MYO1D: variants seen among roughly 807,000 people sequenced by gnomAD.
The protein encoded by MYO1D is unconventional myosin-Id.
MYO1D carries 83 observed loss-of-function variants against 122.0 expected under a neutral mutation model. That is an observed-to-expected ratio of 0.68 (90% CI 0.57 to 0.82). MYO1D has a LOEUF of 0.82. Ranked by LOEUF, MYO1D falls within the 40% of genes least tolerant of loss-of-function variation. The probability of loss-of-function intolerance (pLI) is 0.00; values close to 1 mark genes in which losing one functional copy is unlikely to be tolerated. For missense variants in MYO1D, 1,157 were observed against 1,269.5 expected (o/e 0.91, Z 1.35); for synonymous variants, 464 against 446.9 (o/e 1.04, Z -0.48).
chr17:32,806,419 T>C (rs1039620784), intron 1 of MYO1D, among the ~76,000 whole-genome samples: 1 of 152,216 alleles, frequency 6.6e-6, no homozygotes, highest in African/African-American at 2.4e-5. Context: ...GAAATAGTCA[T>C]TAATCTGTGA....
intron 13 of MYO1D, among the ~76,000 whole-genome samples, chr17:32,738,878 G>C (rs1204921601): frequency 2.6e-5 from 4 of 151,942 alleles, no homozygotes; most frequent in Non-Finnish European, 5.9e-5. Flanking sequence ...AAAAAACACA[G>C]GTAGGAATAT....
intron 21 of MYO1D, among the ~76,000 whole-genome samples, chr17:32,547,450 T>G (rs2150882050): frequency 6.6e-6 from 1 of 152,370 alleles, no homozygotes. Context: ...ATTAAATAAA[T>G]GCCACGCTTT....
chr17:32,679,342 T>C (rs2088872166), intron 16 of MYO1D, among the ~76,000 whole-genome samples: 1 of 152,010 alleles, frequency 6.6e-6, no homozygotes, highest in African/African-American at 2.4e-5. Flanking sequence ...CCCACGCCTA[T>C]GTCCTGAATG....
intron 21 of MYO1D, among the ~76,000 whole-genome samples, chr17:32,570,365 A>G (rs536796708): frequency 6.6e-6 from 1 of 151,092 alleles, no homozygotes; most frequent in Non-Finnish European, 1.5e-5. Context: ...TACCACATTA[A>G]AAAAAATTTT....
chr17:32,816,196 C>T (rs1346233034), intron 1 of MYO1D, among the ~76,000 whole-genome samples: 1 of 152,120 alleles, frequency 6.6e-6, no homozygotes, highest in African/African-American at 2.4e-5. Context: ...CCTGATCAAA[C>T]TTAGAGTCAA....
At chr17:32,671,064 G>C (rs773674593) in intron 16 of MYO1D, among the ~76,000 whole-genome samples, 2 of 152,242 alleles carry the variant, frequency 1.3e-5, no homozygotes, top group Non-Finnish European at 2.9e-5. Flanking sequence ...AGGCCAGAGT[G>C]GGGCAAAAGG....
At chr17:32,839,624 G>C (rs2090859453) in intron 1 of MYO1D, among the ~76,000 whole-genome samples, 1 of 152,132 alleles carries the variant, frequency 6.6e-6, no homozygotes, top group Non-Finnish European at 1.5e-5. Context: ...AGGGAAGCAT[G>C]GGGAAGGAAG....
chr17:32,846,564 ATAAT>A (rs985289145), intron 1 of MYO1D, among the ~76,000 whole-genome samples: 5 of 152,226 alleles, frequency 3.3e-5, no homozygotes, highest in African/African-American at 7.2e-5. Context: ...AATTACAGTA[ATAAT>A]TAAATAAAAA....
At chr17:32,523,815 G>A (rs1272060250) in intron 21 of MYO1D, among the ~76,000 whole-genome samples, 3 of 144,414 alleles carry the variant, frequency 2.1e-5, no homozygotes, top group African/African-American at 7.9e-5. Context: ...AAAAAAAAGA[G>A]TGCCAACCCT....
intron 21 of MYO1D, among the ~76,000 whole-genome samples, chr17:32,561,824 A>T (rs2087129100): frequency 6.6e-6 from 1 of 152,142 alleles, no homozygotes; most frequent in African/African-American, 2.4e-5. Flanking sequence ...TAGAAATATT[A>T]TATTTTACGT....
chr17:32,511,555 G>A (rs1232416084), intron 21 of MYO1D, among the ~76,000 whole-genome samples: 1 of 151,578 alleles, frequency 6.6e-6, no homozygotes, highest in Admixed American at 6.6e-5. Context: ...AATGTCTGTA[G>A]GGCTTTATTT....
intron 21 of MYO1D, among the ~76,000 whole-genome samples, chr17:32,593,423 G>T (rs952859928): frequency 2.6e-5 from 4 of 152,104 alleles, no homozygotes; most frequent in Non-Finnish European, 5.9e-5. Flanking sequence ...ATGACAACTT[G>T]GTTGGGCATA....
At chr17:32,856,014 G>A (rs775541657) in intron 1 of MYO1D, among the ~76,000 whole-genome samples, 15 of 152,136 alleles carry the variant, frequency 9.9e-5, no homozygotes, top group Admixed American at 3.3e-4. Context: ...TGACGGTACC[G>A]AATTTTGCAG....
Position 32,494,711 on chromosome 17 carries a change from C to T in MYO1D, c.*48G>A. On this transcript the variant is annotated 3_prime_UTR_variant, in exon 22 of 22. Transcript: ENST00000318217. ...TGGGAGGCAGCAGCTGGACTGGGAC[C>T]CAGGACTCGGAGTGTGGCCGGGCTC... 2 of 1,531,532 alleles carry T rather than the reference C, an allele frequency of 1.3e-6. No homozygotes were observed. Among genetic ancestry groups the T allele is most frequent in the East Asian group, 2.4e-5 (1 of 41,210 alleles). The allele number at this position is 1,531,532 out of a possible 1,614,324, so 94.9% of individuals were successfully genotyped here. A position where few individuals can be genotyped will look rare whatever the true frequency, so the allele number is the denominator to read the frequency against.
In MYO1D at chr17:32,714,717, C is replaced by A. The variant is rs995092642; in HGVS notation, c.1914-2522G>T. 2.6e-5 allele frequency among the ~76,000 whole-genome samples: 4 copies of A among 152,130 alleles called. No individual in the cohort carries two copies. The South Asian group carries it at 8.3e-4, about 32-fold the overall frequency. On this transcript the variant is annotated intron_variant, in intron 15 of 21. Coordinates refer to ENST00000318217, the MANE Select transcript of MYO1D (RefSeq NM_015194.3). ...AATGTAAAACCCAAAACCATAAAAA[C>A]CCCACAAGAAAATCTAGGCAATACC...
chr17:32,612,087 C>T (rs185230161), intron 20 of MYO1D, among the ~76,000 whole-genome samples: 10 of 152,080 alleles, frequency 6.6e-5, no homozygotes, highest in Non-Finnish European at 1.3e-4. Context: ...TTAAATAACA[C>T]GATTGAATTT....
chr17:32,875,749 C>A (rs1478671070), intron 1 of MYO1D, among the ~76,000 whole-genome samples: 1 of 152,160 alleles, frequency 6.6e-6, no homozygotes, highest in African/African-American at 2.4e-5. Flanking sequence ...TAGGGTTAAG[C>A]ACCCAAGCCT....
chr17:32,690,778 G>A (rs903805778), intron 16 of MYO1D, among the ~76,000 whole-genome samples: 3 of 152,116 alleles, frequency 2.0e-5, no homozygotes, highest in Non-Finnish European at 2.9e-5. Context: ...GCAGATGACC[G>A]CACCATGCTT....
chr17:32,675,079 C>T (rs889605546), intron 16 of MYO1D, among the ~76,000 whole-genome samples: 1 of 152,124 alleles, frequency 6.6e-6, no homozygotes, highest in Non-Finnish European at 1.5e-5. Context: ...TTGAACATAA[C>T]ACAATTAACT....
Sources: allele counts gnomAD v4.1 joint callset (sites outside exome capture counted in the v4.1 genomes callset), GRCh38; gene constraint gnomAD v4.1.1; transcripts MANE v1.5; gene names NCBI Gene and HGNC (gene_info 2026-07-23, HGNC 2026-07-21).